Variants in KIAA1217 observed in about 807,000 individuals in gnomAD.
KIAA1217 encodes the protein KIAA1217.
In KIAA1217, 88 loss-of-function variants were observed where a neutral mutation model predicts 163.9. The observed-to-expected ratio is 0.54, with a 90% CI of 0.45 to 0.64. The LOEUF (loss-of-function observed/expected upper bound fraction) is 0.64. KIAA1217 is among the 30% of genes least tolerant of loss of function. The pLI is 0.00. For synonymous variants in KIAA1217, 903 were observed against 923.1 expected (o/e 0.98, Z 0.39); for missense variants, 2,372 against 2,475.0 (o/e 0.96, Z 0.88).
chr10:24,533,581 A>G (rs927958346), intron 16 of KIAA1217, among the ~76,000 whole-genome samples: 1 of 152,224 alleles, frequency 6.6e-6, no homozygotes, highest in African/African-American at 2.4e-5. Flanking sequence ...TCCTGTCTTG[A>G]TAAGGACAGA....
intron 2 of KIAA1217, among the ~76,000 whole-genome samples, chr10:24,065,469 C>A (rs1297122228): frequency 7.2e-5 from 11 of 152,148 alleles, no homozygotes; most frequent in East Asian, 1.9e-4. Context: ...GAGTTTCTTA[C>A]TCCTGAGTTC....
chr10:24,449,208 TAA>T (rs1349325652), intron 5 of KIAA1217, among the ~76,000 whole-genome samples: 1 of 152,192 alleles, frequency 6.6e-6, no homozygotes, highest in African/African-American at 2.4e-5. Flanking sequence ...CTTCCAGTTA[TAA>T]AGTCTTATTT....
At chr10:24,482,264 T>C (rs2064811568) in intron 6 of KIAA1217, 1 of 152,262 alleles carries the variant, frequency 6.6e-6, no homozygotes, top group African/African-American at 2.4e-5. Flanking sequence ...AATTAAAATG[T>C]GCTGCTGTAT....
chr10:24,465,377 G>GT (rs2062833434), intron 5 of KIAA1217, among the ~76,000 whole-genome samples: 1 of 152,162 alleles, frequency 6.6e-6, no homozygotes, highest in Non-Finnish European at 1.5e-5. Context: ...GCAGTAAACA[G>GT]TTTTTTTAGA....
intron 1 of KIAA1217, among the ~76,000 whole-genome samples, chr10:23,909,133 G>C (rs1842312033): frequency 1.3e-5 from 2 of 152,118 alleles, no homozygotes; most frequent in Non-Finnish European, 2.9e-5. Flanking sequence ...GTTCTCACTT[G>C]TAAGTGGGAG....
intron 6 of KIAA1217, among the ~76,000 whole-genome samples, chr10:24,477,371 A>G (rs1368805413): frequency 6.6e-6 from 1 of 152,220 alleles, no homozygotes. Context: ...CAGAGAGGTT[A>G]AGTAACTTGC....
At chr10:24,171,018 A>G (rs1056209117) in intron 2 of KIAA1217, among the ~76,000 whole-genome samples, 1 of 152,242 alleles carries the variant, frequency 6.6e-6, no homozygotes, top group African/African-American at 2.4e-5. Context: ...TCTAAATGGC[A>G]TCAGCAAAAC....
At chr10:24,450,889 C>G (rs913852661) in intron 5 of KIAA1217, among the ~76,000 whole-genome samples, 3 of 152,154 alleles carry the variant, frequency 2.0e-5, no homozygotes, top group Admixed American at 2.0e-4. Context: ...AGCTTCAGGT[C>G]TGTAATCAAA....
chr10:24,389,333 T>C (rs1261766490), intron 3 of KIAA1217, among the ~76,000 whole-genome samples: 1 of 151,596 alleles, frequency 6.6e-6, no homozygotes. Flanking sequence ...TTCTCACTCA[T>C]AGGTGGGAAT....
In KIAA1217 at chr10:24,533,186, G is replaced by C. The variant is rs1213053136; in HGVS notation, c.3363G>C (p.Lys1121Asn). Residue 1121 changes from lysine (K) to asparagine (N), a missense_variant, in exon 16 of 21, where the codon AAG (lysine) becomes AAC (asparagine). Lys to Asn is a moderately conservative substitution (Grantham distance 94, BLOSUM62 0). This residue lies in a region of KIAA1217 where 1,431 missense variants were observed against 1,470.3 expected (regional missense o/e 0.97). Coordinates refer to ENST00000376454, the MANE Select transcript of KIAA1217 (RefSeq NM_019590.5). ...SPPPVTTSSS[K>N]DEEEEEEEGD... ...CGCCTGTCACCACCTCCTCCTCAAA[G>C]GATGAGGAGGAAGAAGAAGAAGAAG... is the stretch of plus-strand genomic sequence containing the variant. The C allele has an allele frequency of 1.2e-6, 2 of 1,613,242 alleles. No individual in the cohort carries two copies. The highest frequency in any genetic ancestry group is 1.7e-6 in the Non-Finnish European group (2 of 1,179,744).
intron 2 of KIAA1217, among the ~76,000 whole-genome samples, chr10:24,052,889 A>G (rs960715079): frequency 9.2e-5 from 14 of 152,156 alleles, no homozygotes; most frequent in African/African-American, 3.4e-4. Flanking sequence ...TAGATTACCC[A>G]TCTCTTCTAT....
intron 2 of KIAA1217, among the ~76,000 whole-genome samples, chr10:24,070,717 T>C (rs557942428): frequency 6.6e-6 from 1 of 152,354 alleles, no homozygotes; most frequent in Admixed American, 6.5e-5. Context: ...AGTGGTAATT[T>C]GTTCAGTTTT....
chr10:24,261,857 A>C (rs947159573), intron 2 of KIAA1217, among the ~76,000 whole-genome samples: 1 of 152,190 alleles, frequency 6.6e-6, no homozygotes, highest in African/African-American at 2.4e-5. Flanking sequence ...CTAAATTTAG[A>C]TACCTGAGCT....
intron 2 of KIAA1217, among the ~76,000 whole-genome samples, chr10:24,356,303 T>C (rs2049096175): frequency 6.6e-6 from 1 of 152,232 alleles, no homozygotes. Context: ...CAAAGCCTGA[T>C]GCTGGGTTAA....
At chr10:23,745,942 AT>A (rs1194476687) in intron 1 of KIAA1217, among the ~76,000 whole-genome samples, 3 of 152,204 alleles carry the variant, frequency 2.0e-5, no homozygotes, top group Non-Finnish European at 2.9e-5. Context: ...CTTTCCTGAT[AT>A]TTTATGCCCT....
At chr10:24,409,990 CTTTTTTCTTTTTTT>C (rs2057599520) in intron 3 of KIAA1217, among the ~76,000 whole-genome samples, 1 of 129,484 alleles carries the variant, frequency 7.7e-6, no homozygotes, top group African/African-American at 2.9e-5. Flanking sequence ...TTTTCTTTTT[CTTTTTTCTTTTTTT>C]TTTTTTTTTT....
intron 2 of KIAA1217, among the ~76,000 whole-genome samples, chr10:24,274,311 A>G (rs745430928): frequency 6.6e-6 from 1 of 152,112 alleles, no homozygotes; most frequent in Non-Finnish European, 1.5e-5. Context: ...CAGCCTCCCA[A>G]GTAACTAGAA....
intron 2 of KIAA1217, among the ~76,000 whole-genome samples, chr10:24,328,899 A>C (rs987810970): frequency 1.3e-5 from 2 of 152,006 alleles, no homozygotes; most frequent in Non-Finnish European, 2.9e-5. Flanking sequence ...CCCAATTTTC[A>C]TAACTGATGA....
At chr10:24,438,351 T>C (rs2060229926) in intron 4 of KIAA1217, 35 bp from the exon 5 acceptor site, 2 of 1,478,240 alleles carry the variant, frequency 1.4e-6, no homozygotes, top group South Asian at 2.3e-5. Context: ...CAGGCTTCTT[T>C]CATCTGCCAT....
Sources: allele counts gnomAD v4.1 joint callset (sites outside exome capture counted in the v4.1 genomes callset), GRCh38; gene constraint gnomAD v4.1.1; regional missense constraint gnomAD v4.1.1; transcripts MANE v1.5; gene names NCBI Gene and HGNC (gene_info 2026-07-23, HGNC 2026-07-21).